EXOC6B: variants seen among roughly 807,000 people sequenced by gnomAD.
EXOC6B encodes the protein SEC15 homolog B.
EXOC6B carries 54 observed loss-of-function variants against 113.5 expected under a neutral mutation model. The observed-to-expected ratio is 0.48, with a 90% CI of 0.38 to 0.60. The LOEUF (loss-of-function observed/expected upper bound fraction) is 0.60, where lower values mean the gene tolerates loss of function less well. Among genes scored for constraint, EXOC6B ranks in the 20% least tolerant of loss-of-function variants. EXOC6B has a pLI of 0.00. For synonymous variants in EXOC6B, 357 were observed against 339.0 expected, an observed-to-expected ratio of 1.05 and a Z score of -0.58; for missense variants, 797 against 977.5, an observed-to-expected ratio of 0.82 and a Z score of 2.46.
intron 6 of EXOC6B, among the ~76,000 whole-genome samples, chr2:72,628,656 T>C (rs1297578931): frequency 2.0e-5 from 3 of 152,114 alleles, no homozygotes. Flanking sequence ...GACCTCTCTC[T>C]CTGTCTTTCA....
intron 6 of EXOC6B, among the ~76,000 whole-genome samples, chr2:72,622,671 C>G (rs1225357871): frequency 1.3e-5 from 2 of 152,032 alleles, no homozygotes; most frequent in Admixed American, 1.3e-4. Context: ...GATCTTGCCA[C>G]TGCACTCCAG....
At chr2:72,700,852 G>T (rs1036583602) in intron 6 of EXOC6B, among the ~76,000 whole-genome samples, 6 of 152,186 alleles carry the variant, frequency 3.9e-5, no homozygotes, top group Non-Finnish European at 8.8e-5. Context: ...TCGGGAGGCT[G>T]AGGCAAGAGA....
At chr2:72,412,143 T>C (rs1694226621) in intron 18 of EXOC6B, among the ~76,000 whole-genome samples, 2 of 151,846 alleles carry the variant, frequency 1.3e-5, no homozygotes, top group South Asian at 4.2e-4. Flanking sequence ...GTCAAAGATA[T>C]AAAAAGATAA....
chr2:72,821,124 T>C (rs1239699186), intron 1 of EXOC6B, among the ~76,000 whole-genome samples: 2 of 152,014 alleles, frequency 1.3e-5, no homozygotes, highest in African/African-American at 4.8e-5. Flanking sequence ...ATATTCAGAA[T>C]ACATAGAGAA....
intron 18 of EXOC6B, among the ~76,000 whole-genome samples, chr2:72,414,314 T>C (rs1694381009): frequency 6.6e-6 from 1 of 152,156 alleles, no homozygotes; most frequent in South Asian, 2.1e-4. Context: ...TGCTAAACAA[T>C]GAATCAACTA....
In EXOC6B at chr2:72,597,553, A is replaced by G. The variant is rs920520064; in HGVS notation, c.670-21885T>C. On this transcript the variant is annotated intron_variant, in intron 6 of 21. Transcript: ENST00000272427. ...GGAACAAAGGACAAGTATAATAAGA[A>G]TATAAAAGTAATAAATATAGTAGCT... is the stretch of plus-strand genomic sequence containing the variant. Among the ~76,000 whole-genome samples the G allele has an allele frequency of 3.3e-5, 5 of 152,078 alleles. No homozygotes were observed. In the East Asian group the frequency reaches 7.7e-4, roughly 23 times the overall value.
In EXOC6B at chr2:72,366,477, T is replaced by C. The variant is rs141721264; in HGVS notation, c.2122+13252A>G. Among the ~76,000 whole-genome samples, 73 of 152,126 alleles carry C rather than the reference T, an allele frequency of 4.8e-4. 1 individual carries two copies. The highest frequency in any genetic ancestry group is 3.4e-3 in the Middle Eastern group (1 of 294). The stretch of plus-strand genomic sequence containing the variant: ...CAGGACAATGTGAAGTGGTCTAAAA[T>C]ATATGTAAAGGAAGTTTCAGACACA... On this transcript the variant is annotated intron_variant, in intron 19 of 21. Transcript: ENST00000272427.
intron 1 of EXOC6B, among the ~76,000 whole-genome samples, chr2:72,793,585 G>A (rs748083541): frequency 1.3e-5 from 2 of 152,122 alleles, no homozygotes; most frequent in African/African-American, 2.4e-5. Flanking sequence ...ACTAGCTGGA[G>A]GAGTCAGGAA....
Position 72,251,016 on chromosome 2 carries a change from C to T in EXOC6B, c.2197-66829G>A, listed in dbSNP as rs552274752. ...TAATTTTGTGTATTTTTTATGGAGA[C>T]GGGGTCTCACTATGTTGCCCAGGCT... On this transcript the variant is annotated intron_variant, in intron 20 of 21. Coordinates refer to ENST00000272427, the MANE Select transcript of EXOC6B (RefSeq NM_015189.3). Among the ~76,000 whole-genome samples the T allele has an allele frequency of 8.5e-4, 121 of 141,672 alleles. 1 individual carries two copies. The highest frequency in any genetic ancestry group is 2.6e-3 in the African/African-American group (104 of 39,992). The allele number at this position is 141,672 out of a possible 152,430, so 92.9% of individuals were successfully genotyped here. A position where few individuals can be genotyped will look rare whatever the true frequency, so the allele number is the denominator to read the frequency against.
At chr2:72,726,868 T>C (rs1029495228) in intron 5 of EXOC6B, among the ~76,000 whole-genome samples, 7 of 152,240 alleles carry the variant, frequency 4.6e-5, no homozygotes, top group East Asian at 1.9e-4. Flanking sequence ...ATCAACTATA[T>C]TGATCAAAAA....
chr2:72,529,383 A>G (rs1701885734), intron 8 of EXOC6B, among the ~76,000 whole-genome samples: 1 of 152,124 alleles, frequency 6.6e-6, no homozygotes, highest in East Asian at 1.9e-4. Context: ...TTGTTTTAAA[A>G]ATTTTGCATC....
intron 8 of EXOC6B, among the ~76,000 whole-genome samples, chr2:72,519,145 T>C (rs1439321916): frequency 6.6e-6 from 1 of 152,206 alleles, no homozygotes; most frequent in Non-Finnish European, 1.5e-5. Context: ...TCAACAGACA[T>C]GTGCAGAGGG....
intron 6 of EXOC6B, among the ~76,000 whole-genome samples, chr2:72,671,785 AAG>A (rs1491170381): frequency 0.018 from 2,334 of 128,180 alleles, 92 homozygotes; most frequent in African/African-American, 0.073. Flanking sequence ...GAAAGAAAGA[AAG>A]AAAGAAAGAA....
chr2:72,226,641 T>G (rs557332968), intron 20 of EXOC6B, among the ~76,000 whole-genome samples: 3 of 152,324 alleles, frequency 2.0e-5, no homozygotes, highest in African/African-American at 7.2e-5. Context: ...AAATCTAGGT[T>G]TACTTAGGTT....
rs568165238 is a variant in EXOC6B at position 72,265,793 on chromosome 2, G to T, written c.2196+69154C>A. Among the ~76,000 whole-genome samples, 187 of 152,198 alleles carry T rather than the reference G, an allele frequency of 1.2e-3. 1 individual carries two copies. Among genetic ancestry groups the T allele is most frequent in the Middle Eastern group, 6.8e-3 (2 of 294 alleles). On this transcript the variant is annotated intron_variant, in intron 20 of 21. Transcript: ENST00000272427. ...CAGTAATGGGATGGCTGGGTCAAAT[G>T]GTATTTCTAGTTTTAGATCCCTGAG...
At chr2:72,676,914 C>G (rs1327351448) in intron 6 of EXOC6B, among the ~76,000 whole-genome samples, 2 of 152,152 alleles carry the variant, frequency 1.3e-5, no homozygotes, top group Non-Finnish European at 2.9e-5. Context: ...TTTTGACTTT[C>G]AAACAAGAAA....
chr2:72,797,805 C>T (rs1333597981), intron 1 of EXOC6B, among the ~76,000 whole-genome samples: 1 of 151,424 alleles, frequency 6.6e-6, no homozygotes, highest in South Asian at 2.1e-4. Flanking sequence ...AGCGAGACTT[C>T]GTCTCAAAAT....
chr2:72,338,277 T>C lies in EXOC6B; in HGVS notation c.2123-3257A>G, dbSNP rs74513865. On this transcript the variant is annotated intron_variant, in intron 19 of 21. Transcript: ENST00000272427. Reference sequence around the variant, plus strand: ...GCAGTTGGCAGAGTGCCTAGCATAATTGAGTATCATTATAATTAGTTTTTT... The same window carrying C: ...GCAGTTGGCAGAGTGCCTAGCATAACTGAGTATCATTATAATTAGTTTTTT... 4.0e-3 allele frequency among the ~76,000 whole-genome samples: 609 copies of C among 152,284 alleles called. 5 individuals carry two copies. The highest frequency in any genetic ancestry group is 0.014 in the African/African-American group (583 of 41,564).
chr2:72,758,451 C>A (rs960775986), intron 1 of EXOC6B, among the ~76,000 whole-genome samples: 6 of 151,916 alleles, frequency 3.9e-5, no homozygotes, highest in Admixed American at 2.0e-4. Flanking sequence ...AAAAAAAACT[C>A]CCTACAAACA....
Sources: allele counts gnomAD v4.1 joint callset (sites outside exome capture counted in the v4.1 genomes callset), GRCh38; gene constraint gnomAD v4.1.1; transcripts MANE v1.5; gene names NCBI Gene and HGNC (gene_info 2026-07-23, HGNC 2026-07-21).